GNG2: variants seen among roughly 807,000 people sequenced by gnomAD.
The protein encoded by GNG2 is G protein subunit gamma 2.
A neutral mutation model predicts 5.5 loss-of-function variants in GNG2; 5 were observed. The ratio of observed to expected loss-of-function variants is 0.91; its 90% confidence interval spans 0.48 to 1.92. The LOEUF is 1.92. Ranked by LOEUF, GNG2 falls within the 30% of genes most tolerant of loss-of-function variation. The pLI is 0.01. For synonymous variants in GNG2, 28 were observed against 32.0 expected, an observed-to-expected ratio of 0.88 and a Z score of 0.42; for missense variants, 55 against 88.4, an observed-to-expected ratio of 0.62 and a Z score of 1.52.
intron 2 of GNG2, among the ~76,000 whole-genome samples, chr14:51,840,341 T>A (rs1881448095): frequency 6.6e-6 from 1 of 152,206 alleles, no homozygotes; most frequent in Admixed American, 6.5e-5. Flanking sequence ...CCCTGTGACA[T>A]CTATAAAATG....
chr14:51,847,874 CCTTTTT>C (rs139054576), intron 2 of GNG2, among the ~76,000 whole-genome samples: 9,264 of 82,874 alleles, frequency 0.11, 1,573 homozygotes, highest in East Asian at 0.34. Context: ...GAATACAGGT[CCTTTTT>C]CTTTTTTTTT....
chr14:51,901,623 C>T (rs900458649), intron 2 of GNG2, among the ~76,000 whole-genome samples: 4 of 151,862 alleles, frequency 2.6e-5, no homozygotes, highest in East Asian at 1.9e-4. Context: ...CTGAGTGGTC[C>T]GGGAGGTGAG....
chr14:51,958,437 GT>G (rs1330912685), intron 3 of GNG2, among the ~76,000 whole-genome samples: 1 of 46,784 alleles, frequency 2.1e-5, no homozygotes, highest in African/African-American at 4.6e-5. Flanking sequence ...TCTCTCTTCC[GT>G]TCCCCCCCCC....
chr14:51,938,190 G>A (rs1416304654), intron 2 of GNG2, among the ~76,000 whole-genome samples: 1 of 152,080 alleles, frequency 6.6e-6, no homozygotes, highest in Non-Finnish European at 1.5e-5. Context: ...TCCAAAAAAG[G>A]ATTCACCAAC....
chr14:51,934,890 A>G (rs970776026), intron 2 of GNG2, among the ~76,000 whole-genome samples: 4 of 152,218 alleles, frequency 2.6e-5, no homozygotes, highest in African/African-American at 9.7e-5. Flanking sequence ...CTATTTTATT[A>G]AAGTGCAGAG....
intron 2 of GNG2, among the ~76,000 whole-genome samples, chr14:51,924,767 A>G (rs1387793178): frequency 1.3e-5 from 2 of 152,336 alleles, no homozygotes; most frequent in African/African-American, 2.4e-5. Flanking sequence ...GAAAGTGTAA[A>G]TAATTGGAGG....
At chr14:51,841,089 A>C (rs897018335) in intron 2 of GNG2, among the ~76,000 whole-genome samples, 1 of 152,242 alleles carries the variant, frequency 6.6e-6, no homozygotes, top group Non-Finnish European at 1.5e-5. Flanking sequence ...TCAGTTTAGC[A>C]AGTAAGAAGA....
intron 2 of GNG2, among the ~76,000 whole-genome samples, chr14:51,935,663 CCTTTCTTTTCTTTTT>C (rs1486828910): frequency 2.8e-4 from 42 of 152,032 alleles, no homozygotes; most frequent in Non-Finnish European, 5.0e-4. Context: ...TTTTCTTTCT[CCTTTCTTTTCTTTTT>C]CTTTCTTTTC....
intron 2 of GNG2, among the ~76,000 whole-genome samples, chr14:51,920,944 A>C (rs752601948): frequency 1.3e-5 from 2 of 152,152 alleles, no homozygotes; most frequent in Non-Finnish European, 2.9e-5. Flanking sequence ...TTAGGATTAG[A>C]GTGATTTTGG....
intron 1 of GNG2, among the ~76,000 whole-genome samples, chr14:51,872,502 C>T (rs1401144473): frequency 1.3e-5 from 2 of 152,114 alleles, no homozygotes; most frequent in Non-Finnish European, 2.9e-5. Context: ...TTGAGGGAGT[C>T]CACTGTGATG....
At chr14:51,958,519 T>A in intron 3 of GNG2, among the ~76,000 whole-genome samples, 1 of 150,414 alleles carries the variant, frequency 6.6e-6, no homozygotes. Context: ...CACCACCAAT[T>A]CCTACCCTAC....
At chr14:51,879,700 A>G (rs1241820850) in intron 2 of GNG2, among the ~76,000 whole-genome samples, 2 of 152,158 alleles carry the variant, frequency 1.3e-5, no homozygotes, top group Non-Finnish European at 2.9e-5. Context: ...TTTCTACCAT[A>G]GTCCCATCTT....
At chr14:51,948,180 G>C (rs1888750491) in intron 2 of GNG2, among the ~76,000 whole-genome samples, 1 of 152,238 alleles carries the variant, frequency 6.6e-6, no homozygotes, top group Non-Finnish European at 1.5e-5. Context: ...CTAGCTGCAA[G>C]AGAGGCTTGG....
In GNG2 at chr14:51,906,757, C is replaced by CTTT. The variant is rs34240079; in HGVS notation, c.-30+29114_-30+29116dup. 8.6e-3 allele frequency among the ~76,000 whole-genome samples: 903 copies of CTTT among 105,286 alleles called. 49 individuals are homozygous for CTTT. Among genetic ancestry groups the CTTT allele is most frequent in the South Asian group, 0.014 (47 of 3,264 alleles). 69.1% of individuals were successfully genotyped at this position (105,286 alleles called of 152,430 possible). On this transcript the variant is annotated intron_variant, in intron 2 of 3. Transcript: ENST00000556766. ...TTGCATGCAGCCTGCTGGAGAATCT[C>CTTT]TTTTTTTTTTTTTTTTGAGACGGAG...
chr14:51,927,519 A>G (rs551326735), intron 2 of GNG2, among the ~76,000 whole-genome samples: 1 of 152,350 alleles, frequency 6.6e-6, no homozygotes, highest in East Asian at 1.9e-4. Context: ...TGTTTCCACC[A>G]TACCCTGGGC....
chr14:51,905,150 A>G lies in GNG2; in HGVS notation c.-30+27493A>G, dbSNP rs1271278113. Among the ~76,000 whole-genome samples the G allele has an allele frequency of 2.6e-5, 4 of 152,106 alleles. No individual in the cohort carries two copies. In the East Asian group the frequency reaches 7.7e-4, roughly 29 times the overall value. On this transcript the variant is annotated intron_variant, in intron 2 of 3. Coordinates refer to ENST00000556766, the MANE Select transcript of GNG2 (RefSeq NM_053064.5). ...CTCGCTGCATCCATGCTCCTGAATC[A>G]CCCCATCACTCAGGGATTGGAAATA...
At chr14:51,829,740 G>C (rs1881130101) in intron 2 of GNG2, among the ~76,000 whole-genome samples, 1 of 151,594 alleles carries the variant, frequency 6.6e-6, no homozygotes, top group Non-Finnish European at 1.5e-5. Flanking sequence ...CTCCAATTCT[G>C]CTCTCATCAA....
intron 2 of GNG2, among the ~76,000 whole-genome samples, chr14:51,880,616 G>T (rs1883985038): frequency 6.6e-6 from 1 of 152,002 alleles, no homozygotes; most frequent in African/African-American, 2.4e-5. Flanking sequence ...TCCACTTTTA[G>T]ACACTTCAGC....
At chr14:51,914,416 G>T (rs1195428021) in intron 2 of GNG2, 5 of 616,984 alleles carry the variant, frequency 8.1e-6, no homozygotes, top group Admixed American at 2.7e-5. Context: ...TTGTGCTAAG[G>T]TTCCCAAGGT....
Sources: allele counts gnomAD v4.1 joint callset (sites outside exome capture counted in the v4.1 genomes callset), GRCh38; gene constraint gnomAD v4.1.1; transcripts MANE v1.5; gene names NCBI Gene and HGNC (gene_info 2026-07-23, HGNC 2026-07-21).